FRMD4A: variants seen among roughly 807,000 people sequenced by gnomAD.
FRMD4A encodes the protein FERM domain-containing protein 4A.
FRMD4A carries 29 observed loss-of-function variants against 129.1 expected under a neutral mutation model. That is an observed-to-expected ratio of 0.22 (90% CI 0.17 to 0.31). The LOEUF (loss-of-function observed/expected upper bound fraction) is 0.31, where lower values mean the gene tolerates loss of function less well. FRMD4A is among the 10% of genes least tolerant of loss of function. The pLI, the probability that FRMD4A is intolerant of heterozygous loss-of-function variation, is 1.00. For missense variants in FRMD4A, 1,272 were observed against 1,375.8 expected (o/e 0.92, Z 1.19); for synonymous variants, 634 against 571.6 (o/e 1.11, Z -1.56).
chr10:13,956,565 T>A (rs533443175), intron 2 of FRMD4A, among the ~76,000 whole-genome samples: 13 of 152,172 alleles, frequency 8.5e-5, no homozygotes, highest in Non-Finnish European at 1.6e-4. Flanking sequence ...GGGTAAATGG[T>A]GGAGTTGGAG....
chr10:14,075,952 C>A (rs1234739389), intron 2 of FRMD4A, among the ~76,000 whole-genome samples: 2 of 152,152 alleles, frequency 1.3e-5, no homozygotes, highest in East Asian at 3.9e-4. Flanking sequence ...AGAACTTGGC[C>A]TAACTCTCAT....
chr10:14,305,890 C>A (rs946965035), intron 2 of FRMD4A, among the ~76,000 whole-genome samples: 2 of 152,174 alleles, frequency 1.3e-5, no homozygotes, highest in Non-Finnish European at 2.9e-5. Context: ...TCAAATACTG[C>A]ATATTCTCAC....
intron 15 of FRMD4A, among the ~76,000 whole-genome samples, chr10:13,691,384 G>T (rs2085673224): frequency 6.6e-6 from 1 of 152,162 alleles, no homozygotes; most frequent in Non-Finnish European, 1.5e-5. Context: ...AAGGTAAATT[G>T]CTGCCTTGGT....
At chr10:13,908,290 C>T (rs945666732) in intron 2 of FRMD4A, among the ~76,000 whole-genome samples, 1 of 151,876 alleles carries the variant, frequency 6.6e-6, no homozygotes, top group African/African-American at 2.4e-5. Context: ...TTGCTAAAGC[C>T]ATGCTTCTCA....
chr10:13,693,371 G>T, intron 15 of FRMD4A: 1 of 330,892 alleles, frequency 3.0e-6, no homozygotes, highest in Non-Finnish European at 4.8e-6. Context: ...GGAAGCGGAC[G>T]ACGGAACCAG....
At chr10:13,960,437 T>C (rs1376835180) in intron 2 of FRMD4A, among the ~76,000 whole-genome samples, 2 of 152,244 alleles carry the variant, frequency 1.3e-5, no homozygotes, top group African/African-American at 4.8e-5. Context: ...AATTGATAAC[T>C]GTGACTGAAC....
intron 2 of FRMD4A, among the ~76,000 whole-genome samples, chr10:14,054,402 T>C (rs1325604958): frequency 2.0e-5 from 3 of 152,142 alleles, no homozygotes; most frequent in Non-Finnish European, 4.4e-5. Flanking sequence ...CATGACTCTG[T>C]CCTAAGAGTC....
chr10:13,982,137 A>G (rs2095563888), intron 2 of FRMD4A, among the ~76,000 whole-genome samples: 1 of 152,028 alleles, frequency 6.6e-6, no homozygotes, highest in African/African-American at 2.4e-5. Flanking sequence ...TAAAACCTAA[A>G]AATGTCACTT....
At chr10:14,329,536 A>G (rs973371443) in intron 2 of FRMD4A, among the ~76,000 whole-genome samples, 79 of 152,196 alleles carry the variant, frequency 5.2e-4, no homozygotes, top group African/African-American at 1.9e-3. Flanking sequence ...ATAGGAAACA[A>G]GCTGCTCCCA....
chr10:14,273,331 T>C (rs971622595), intron 2 of FRMD4A, among the ~76,000 whole-genome samples: 1 of 152,186 alleles, frequency 6.6e-6, no homozygotes, highest in African/African-American at 2.4e-5. Context: ...CTTGGGTGAT[T>C]TGAAGTTACA....
At chr10:14,098,609 C>T (rs1466500473) in intron 2 of FRMD4A, among the ~76,000 whole-genome samples, 8 of 152,008 alleles carry the variant, frequency 5.3e-5, no homozygotes, top group South Asian at 4.1e-4. Flanking sequence ...GTGGTTTCAG[C>T]GTGTTGGCCA....
At chr10:13,914,362 A>G (rs548927489) in intron 2 of FRMD4A, among the ~76,000 whole-genome samples, 7 of 152,220 alleles carry the variant, frequency 4.6e-5, no homozygotes, top group Non-Finnish European at 1.0e-4. Flanking sequence ...CAATATGCTG[A>G]TGATGAGTAC....
chr10:14,195,402 A>G (rs191407234), intron 2 of FRMD4A, among the ~76,000 whole-genome samples: 139 of 151,336 alleles, frequency 9.2e-4, no homozygotes, highest in African/African-American at 3.3e-3. Flanking sequence ...TGACAAAAGT[A>G]AATTGTCTCC....
At chr10:13,988,734 C>A (rs540276523) in intron 2 of FRMD4A, among the ~76,000 whole-genome samples, 10 of 152,240 alleles carry the variant, frequency 6.6e-5, no homozygotes, top group Non-Finnish European at 1.5e-4. Context: ...ACAGAGAGAT[C>A]TCTATGTAGA....
chr10:13,762,485 C>G, intron 7 of FRMD4A, 139 bp downstream of exon 7: 1 of 615,714 alleles, frequency 1.6e-6, no homozygotes, highest in African/African-American at 1.9e-5. Flanking sequence ...TCTCTAATAG[C>G]TCTATGCAGC....
intron 2 of FRMD4A, among the ~76,000 whole-genome samples, chr10:13,999,654 T>C (rs1445449835): frequency 6.6e-6 from 1 of 152,138 alleles, no homozygotes; most frequent in Non-Finnish European, 1.5e-5. Flanking sequence ...TGTAGGAAAA[T>C]GATCAGAAGG....
chr10:14,227,243 CTTTTTTTTTTTT>C (rs10674411), intron 2 of FRMD4A, among the ~76,000 whole-genome samples: 3 of 64,100 alleles, frequency 4.7e-5, no homozygotes, highest in Middle Eastern at 0.017. Context: ...TCTTCTTCTT[CTTTTTTTTTTTT>C]TTTTTTTTTT....
At chr10:13,878,668 A>C (rs531362837) in intron 2 of FRMD4A, among the ~76,000 whole-genome samples, 8 of 152,124 alleles carry the variant, frequency 5.3e-5, no homozygotes, top group Admixed American at 3.9e-4. Context: ...CAGAAGAATC[A>C]CTTGAACCCG....
intron 6 of FRMD4A, among the ~76,000 whole-genome samples, chr10:13,769,282 T>C (rs190369641): frequency 1.1e-3 from 163 of 151,786 alleles, no homozygotes; most frequent in Non-Finnish European, 2.2e-3. Flanking sequence ...GTGTATTTTA[T>C]GTGTCAACTT....
Sources: gnomAD v4.1 joint callset for allele counts (sites outside exome capture counted in the v4.1 genomes callset) on GRCh38, gnomAD v4.1.1 for gene constraint, MANE v1.5 for transcripts, NCBI Gene and HGNC (gene_info 2026-07-23, HGNC 2026-07-21) for gene names.